The following CORO2A variants were observed in gnomAD, a reference collection of about 807,000 sequenced individuals.
The protein encoded by CORO2A is coronin-2A.
CORO2A carries 47 observed loss-of-function variants against 62.4 expected under a neutral mutation model. That is an observed-to-expected ratio of 0.75 (90% confidence interval 0.60 to 0.96). The LOEUF (loss-of-function observed/expected upper bound fraction) is 0.96. CORO2A is among the 40% of genes least tolerant of loss of function. The probability of loss-of-function intolerance (pLI) is 0.00; values close to 1 mark genes in which losing one functional copy is unlikely to be tolerated. For missense variants in CORO2A, 610 were observed against 684.1 expected (o/e 0.89, Z 1.21); for synonymous variants, 273 against 268.9 (o/e 1.02, Z -0.15).
chr9:98,154,327 GTGTATATA>G (rs145660123), intron 2 of CORO2A, among the ~76,000 whole-genome samples: 2,743 of 93,284 alleles, frequency 0.029, 136 homozygotes, highest in Middle Eastern at 0.067. Flanking sequence ...ATGTGTTTGT[GTGTATATA>G]TATATATATA....
chr9:98,127,216 C>T (rs1305399902), intron 10 of CORO2A, among the ~76,000 whole-genome samples: 1 of 152,228 alleles, frequency 6.6e-6, no homozygotes, highest in East Asian at 1.9e-4. Context: ...ATCATGGCTA[C>T]AGATGAGGAA....
At chr9:98,142,453 TG>T (rs1353508935) in intron 2 of CORO2A, among the ~76,000 whole-genome samples, 1 of 152,180 alleles carries the variant, frequency 6.6e-6, no homozygotes, top group Non-Finnish European at 1.5e-5. Context: ...TTCCTTTCTC[TG>T]GGATCATTTC....
intron 11 of CORO2A, 26 bp from the exon 12 acceptor site, chr9:98,124,931 G>A (rs974348000): frequency 2.6e-6 from 4 of 1,552,550 alleles, no homozygotes; most frequent in Non-Finnish European, 3.5e-6. Flanking sequence ...CGGAAGGCAG[G>A]ATCACCATGG....
intron 2 of CORO2A, among the ~76,000 whole-genome samples, chr9:98,145,703 G>A (rs1438609705): frequency 6.6e-6 from 1 of 152,072 alleles, no homozygotes; most frequent in African/African-American, 2.4e-5. Context: ...GGTCAGGTTG[G>A]CCTTGGTTTT....
At position 98,157,616 on chromosome 9, in the gene CORO2A, G is replaced by T; in HGVS notation, c.45C>A (p.Val15=). The change falls in exon 2 of 12, where the codon GTC becomes GTA. Residue 15 remains valine (V), a synonymous_variant. Coordinates refer to ENST00000375077, the MANE Select transcript of CORO2A (RefSeq NM_052820.4). The part of the protein sequence containing the change: ...PQYRSSKFRH[V]FGKPASKENC... ...TCTCCTTGCTGGCTGGTTTGCCAAAGACATGACGGAACTTGGAGCTCCGGT... is the reference window on the plus strand; with the variant it reads ...TCTCCTTGCTGGCTGGTTTGCCAAATACATGACGGAACTTGGAGCTCCGGT... The T allele has an allele frequency of 6.2e-7, 1 of 1,613,972 alleles. No individual in the cohort carries two copies. The highest frequency in any genetic ancestry group is 8.5e-7 in the Non-Finnish European group (1 of 1,179,878).
At chr9:98,130,031 TG>T (rs1452672146) in intron 7 of CORO2A, 141 bp from the exon 8 acceptor site, 1 of 622,302 alleles carries the variant, frequency 1.6e-6, no homozygotes, top group Non-Finnish European at 2.9e-6. Context: ...ACCAGGAAAC[TG>T]GGGGCCCTGT....
At chr9:98,191,225 C>T (rs1168121220) in intron 1 of CORO2A, among the ~76,000 whole-genome samples, 1 of 152,194 alleles carries the variant, frequency 6.6e-6, no homozygotes, top group Non-Finnish European at 1.5e-5. Context: ...AGAGGGGCTC[C>T]GGCTCTCCTC....
chr9:98,128,476 G>T, intron 9 of CORO2A, 131 bp downstream of exon 9: 2 of 835,008 alleles, frequency 2.4e-6, no homozygotes, highest in Non-Finnish European at 4.0e-6. Context: ...TGTCACACTG[G>T]CTGTGAGAAA....
At chr9:98,170,296 G>T (rs572137396) in intron 1 of CORO2A, among the ~76,000 whole-genome samples, 12 of 152,116 alleles carry the variant, frequency 7.9e-5, no homozygotes, top group Non-Finnish European at 1.3e-4. Flanking sequence ...GGTACCCAGG[G>T]GGAGGCCAAC....
chr9:98,165,673 T>C (rs1410628932), intron 1 of CORO2A, among the ~76,000 whole-genome samples: 1 of 152,212 alleles, frequency 6.6e-6, no homozygotes, highest in South Asian at 2.1e-4. Flanking sequence ...ATCAGATTAC[T>C]GGGTGGGGGA....
chr9:98,177,315 A>G (rs1382181349), intron 1 of CORO2A, among the ~76,000 whole-genome samples: 3 of 152,102 alleles, frequency 2.0e-5, no homozygotes, highest in East Asian at 3.9e-4. Flanking sequence ...AGGTATTCCC[A>G]TGGGGTCTCT....
intron 6 of CORO2A, among the ~76,000 whole-genome samples, chr9:98,131,654 C>T (rs1827410993): frequency 6.6e-6 from 1 of 152,154 alleles, no homozygotes; most frequent in African/African-American, 2.4e-5. Flanking sequence ...GATCTCATTC[C>T]AATCTTCCCC....
At chr9:98,157,270 G>C (rs945329114) in intron 2 of CORO2A, 190 bp downstream of exon 2, 2 of 580,504 alleles carry the variant, frequency 3.4e-6, no homozygotes, top group Non-Finnish European at 6.1e-6. Context: ...AACTGCTAGA[G>C]GCTAAAATTC....
intron 1 of CORO2A, among the ~76,000 whole-genome samples, chr9:98,169,559 C>G (rs1828005985): frequency 1.3e-5 from 2 of 152,218 alleles, no homozygotes; most frequent in East Asian, 1.9e-4. Flanking sequence ...CACCCCGGGT[C>G]CCCTCTGTCC....
chr9:98,136,591 G>A (rs1264479164), intron 3 of CORO2A, among the ~76,000 whole-genome samples: 1 of 152,208 alleles, frequency 6.6e-6, no homozygotes, highest in Non-Finnish European at 1.5e-5. Context: ...ATGTGTCACA[G>A]CACATTGGAA....
intron 2 of CORO2A, among the ~76,000 whole-genome samples, chr9:98,143,286 C>T (rs1340293123): frequency 6.6e-6 from 1 of 152,232 alleles, no homozygotes; most frequent in Non-Finnish European, 1.5e-5. Context: ...GGCTGACCTC[C>T]ATTGCCAGAA....
chr9:98,179,036 T>C (rs1443344061), intron 1 of CORO2A, among the ~76,000 whole-genome samples: 1 of 152,174 alleles, frequency 6.6e-6, no homozygotes, highest in East Asian at 1.9e-4. Flanking sequence ...TCTTTACCGG[T>C]CCTTTTACTT....
At chr9:98,173,204 C>T (rs1828062334) in intron 1 of CORO2A, among the ~76,000 whole-genome samples, 1 of 152,142 alleles carries the variant, frequency 6.6e-6, no homozygotes, top group African/African-American at 2.4e-5. Context: ...GATTCGGCAG[C>T]GTGGGTGAGA....
chr9:98,158,771 T>C (rs1028586215), intron 1 of CORO2A, among the ~76,000 whole-genome samples: 5 of 151,768 alleles, frequency 3.3e-5, no homozygotes, highest in African/African-American at 4.8e-5. Flanking sequence ...CTTAGGCAGA[T>C]AGAACAGTTT....
Sources: allele counts gnomAD v4.1 joint callset (sites outside exome capture counted in the v4.1 genomes callset), GRCh38; gene constraint gnomAD v4.1.1; transcripts MANE v1.5; gene names NCBI Gene and HGNC (gene_info 2026-07-23, HGNC 2026-07-21).